The following CALHM1 variants were observed in gnomAD, a reference collection of about 807,000 sequenced individuals.
CALHM1 encodes the protein calcium homeostasis modulator 1.
In CALHM1, 11 loss-of-function variants were observed where a neutral mutation model predicts 14.8. The ratio of observed to expected loss-of-function variants is 0.74; its 90% confidence interval spans 0.47 to 1.23. The LOEUF (loss-of-function observed/expected upper bound fraction) is 1.23. CALHM1 is among the 50% of genes most tolerant of loss of function. The pLI, the probability that CALHM1 is intolerant of heterozygous loss-of-function variation, is 0.00. For missense variants in CALHM1, 458 were observed against 496.4 expected (o/e 0.92, Z 0.74); for synonymous variants, 215 against 218.9 (o/e 0.98, Z 0.16).
At position 103,458,175 on chromosome 10, in the gene CALHM1, G is replaced by A. The variant is rs757288151; in HGVS notation, c.555+22C>T. ...CCTTGATCTGCCAGGGAGACCCAGC[G>A]TGAAGCCATGCGGCCCCTCACCTGG... On this transcript the variant is annotated intron_variant, in intron 1 of 1. Coordinates refer to ENST00000329905, the MANE Select transcript of CALHM1 (RefSeq NM_001001412.4). The surrounding 1 kb of genome is among the most constrained non-coding windows in gnomAD (Gnocchi z 4.9). 7.5e-6 allele frequency: 12 copies of A among 1,610,694 alleles called. No individual in the cohort carries two copies. Among genetic ancestry groups the A allele is most frequent in the East Asian group, 4.5e-5 (2 of 44,884 alleles).
At chr10:103,457,036 A>G (rs1400332417) in intron 1 of CALHM1, among the ~76,000 whole-genome samples, 8 of 152,128 alleles carry the variant, frequency 5.3e-5, no homozygotes, top group Admixed American at 2.6e-4. Context: ...GGCTCTAGCA[A>G]TCTTCTTGCC....
At position 103,455,369 on chromosome 10, in the gene CALHM1, G is replaced by A; in HGVS notation, c.934C>T (p.Pro312Ser). ...GGCTCCTCCTGGCCCAGCCGCAGAGGCGGTTTGCATTTGTGCCAGCTCGTG... is the reference window on the plus strand; with the variant it reads ...GGCTCCTCCTGGCCCAGCCGCAGAGACGGTTTGCATTTGTGCCAGCTCGTG... ...LLTSWHKCKP[P>S]LRLGQEEPPL... The change falls in exon 2 of 2, where the codon CCT becomes TCT. Residue 312 changes from proline (P) to serine (S), a missense_variant. Physicochemically the swap from Pro to Ser is moderately conservative, Grantham distance 74. Coordinates refer to ENST00000329905, the MANE Select transcript of CALHM1 (RefSeq NM_001001412.4). The A allele has an allele frequency of 6.2e-7, 1 of 1,613,906 alleles. No individual in the cohort carries two copies. Among genetic ancestry groups the A allele is most frequent in the Non-Finnish European group, 8.5e-7 (1 of 1,180,046 alleles).
rs536458604 is a variant in CALHM1 at position 103,455,564 on chromosome 10, T to C, written c.739A>G (p.Ile247Val). ...EHAKAFAKVC[I>V]QQFFEAMNHD... The stretch of plus-strand genomic sequence containing the variant: ...TTCATGGCCTCGAAGAACTGCTGGA[T>C]GCAGACCTTGGCAAAGGCTTTGGCG... Residue 247 changes from isoleucine to valine, a missense_variant, in exon 2 of 2, where the codon ATC (isoleucine) becomes GTC (valine). Coordinates refer to ENST00000329905, the MANE Select transcript of CALHM1 (RefSeq NM_001001412.4). 33 of 1,614,054 alleles carry C rather than the reference T, an allele frequency of 2.0e-5. No homozygotes were observed. In the African/African-American group the frequency reaches 4.1e-4, roughly 20 times the overall value.
At position 103,455,918 on chromosome 10, in the gene CALHM1, G is replaced by T. The variant is rs2033145274; in HGVS notation, c.556-171C>A. On this transcript the variant is annotated intron_variant, in intron 1 of 1. Coordinates refer to ENST00000329905, the MANE Select transcript of CALHM1 (RefSeq NM_001001412.4). ...CATCTGTAAAATGGGCATAGAAATT[G>T]AAATAATGGAGATAGGTGCACCTCA... Among the ~76,000 whole-genome samples, 3 of 152,246 alleles carry T rather than the reference G, an allele frequency of 2.0e-5. No individual in the cohort carries two copies. The South Asian group carries it at 6.2e-4, about 32-fold the overall frequency.
Position 103,458,597 on chromosome 10 carries a change from T to C in CALHM1, c.155A>G (p.Tyr52Cys). The C allele has an allele frequency of 6.2e-7, 1 of 1,613,946 alleles. No homozygotes were observed. The highest frequency in any genetic ancestry group is 8.5e-7 in the Non-Finnish European group (1 of 1,180,032). ...CPCLPGYNAA[Y>C]SAGILLAPPL... Reference sequence around the variant, plus strand: ...TGGCGCCAGCAGGATGCCCGCGCTGTAGGCTGCATTGTAGCCCGGCAGGCA... The same window carrying C: ...TGGCGCCAGCAGGATGCCCGCGCTGCAGGCTGCATTGTAGCCCGGCAGGCA... The change falls in exon 1 of 2, where the codon TAC becomes TGC. Residue 52 changes from tyrosine to cysteine, a missense_variant. By Grantham distance (194) the Tyr-to-Cys change is radical (BLOSUM62 -2). Coordinates refer to ENST00000329905, the MANE Select transcript of CALHM1 (RefSeq NM_001001412.4). The surrounding 1 kb of genome is among the most constrained non-coding windows in gnomAD (Gnocchi z 4.9).
intron 1 of CALHM1, among the ~76,000 whole-genome samples, chr10:103,457,616 G>C (rs79433117): frequency 0.013 from 2,001 of 152,336 alleles, 29 homozygotes; most frequent in South Asian, 0.071. Context: ...GGATGGGTGA[G>C]CATGGAGGGG....
rs767534740 is a variant in CALHM1 at position 103,458,485 on chromosome 10, C to T, written c.267G>A (p.Arg89=). 6 of 1,612,954 alleles carry T rather than the reference C, an allele frequency of 3.7e-6. No individual in the cohort carries two copies. The highest frequency in any genetic ancestry group is 1.1e-5 in the South Asian group (1 of 91,068). The change falls in exon 1 of 2, where the codon CGG becomes CGA. Residue 89 remains arginine, a synonymous_variant. Coordinates refer to ENST00000329905, the MANE Select transcript of CALHM1 (RefSeq NM_001001412.4). The surrounding 1 kb of genome is among the most constrained non-coding windows in gnomAD (Gnocchi z 4.9). The stretch of plus-strand genomic sequence containing the variant: ...AGCGCAACACAGCGGGGTCCTTGGC[C>T]CGGCGGCCCAGCGGCCGCTTCCACT... ...AEEWKRPLGR[R]AKDPAVLRYM... is the part of the protein sequence containing the mutation.
At position 103,455,323 on chromosome 10, in the gene CALHM1, C is replaced by A. The variant is rs1443738212; in HGVS notation, c.980G>T (p.Trp327Leu). 6.2e-7 allele frequency: 1 copy of A among 1,613,478 alleles called. No individual in the cohort carries two copies. The highest frequency in any genetic ancestry group is 8.5e-7 in the Non-Finnish European group (1 of 1,179,950). Residue 327 changes from tryptophan (W) to leucine (L), a missense_variant, in exon 2 of 2, where the codon TGG becomes TTG. By Grantham distance (61) the Trp-to-Leu change is moderately conservative (BLOSUM62 -2). Coordinates refer to ENST00000329905, the MANE Select transcript of CALHM1 (RefSeq NM_001001412.4). ...CGGAGGCCGGGGCCCACCCCCAGCC[C>A]AGCCGTTGCCCATCAGCGGTGGCTC... is the stretch of plus-strand genomic sequence containing the variant. The part of the protein sequence containing the change: ...QEEPPLMGNG[W>L]AGGGPRPPRK...
At chr10:103,456,793 T>G (rs2033156328) in intron 1 of CALHM1, among the ~76,000 whole-genome samples, 1 of 152,214 alleles carries the variant, frequency 6.6e-6, no homozygotes, top group Non-Finnish European at 1.5e-5. Flanking sequence ...TTAATCTTAT[T>G]TACTTTTTTG....
Position 103,458,753 on chromosome 10 carries a change from C to T in CALHM1, c.-2G>A. The T allele has an allele frequency of 1.9e-6, 3 of 1,601,524 alleles. No individual in the cohort carries two copies. The highest frequency in any genetic ancestry group is 2.6e-6 in the Non-Finnish European group (3 of 1,173,482). On this transcript the variant is annotated 5_prime_UTR_variant, in exon 1 of 2. Transcript: ENST00000329905. This position sits in a 1 kb window ranked among gnomAD's most constrained non-coding sequence, Gnocchi z 4.9. Reference sequence around the variant, plus strand: ...GATCATCCGGAACTTGTCCATCATGCCCGCTGTGGGGCCCGGCCTCCTCTT... The same window carrying T: ...GATCATCCGGAACTTGTCCATCATGTCCGCTGTGGGGCCCGGCCTCCTCTT...
In CALHM1 at chr10:103,458,486, C is replaced by G; in HGVS notation, c.266G>C (p.Arg89Pro). 6.2e-7 allele frequency: 1 copy of G among 1,612,958 alleles called. No homozygotes were observed. The highest frequency in any genetic ancestry group is 8.5e-7 in the Non-Finnish European group (1 of 1,179,888). Reference sequence around the variant, plus strand: ...GCGCAACACAGCGGGGTCCTTGGCCCGGCGGCCCAGCGGCCGCTTCCACTC... The same window carrying G: ...GCGCAACACAGCGGGGTCCTTGGCCGGGCGGCCCAGCGGCCGCTTCCACTC... ...AEEWKRPLGR[R>P]AKDPAVLRYM... Residue 89 changes from arginine (R) to proline (P), a missense_variant, in exon 1 of 2, where the codon CGG becomes CCG. By Grantham distance (103) the Arg-to-Pro change is moderately radical. Transcript: ENST00000329905. The surrounding 1 kb of genome is among the most constrained non-coding windows in gnomAD (Gnocchi z 4.9).
chr10:103,455,575 G>A lies in CALHM1; in HGVS notation c.728C>T (p.Ala243Val). ...ETCTEHAKAF[A>V]KVCIQQFFEA... ...GAAGAACTGCTGGATGCAGACCTTG[G>A]CAAAGGCTTTGGCGTGCTCCGTGCA... is the stretch of plus-strand genomic sequence containing the variant. The change falls in exon 2 of 2, where the codon GCC (alanine) becomes GTC (valine). Residue 243 changes from alanine (A) to valine (V), a missense_variant. By Grantham distance (64) the Ala-to-Val change is moderately conservative (BLOSUM62 0). Coordinates refer to ENST00000329905, the MANE Select transcript of CALHM1 (RefSeq NM_001001412.4). 2 of 1,614,040 alleles carry A rather than the reference G, an allele frequency of 1.2e-6. No individual in the cohort carries two copies. The highest frequency in any genetic ancestry group is 1.1e-5 in the South Asian group (1 of 91,092).
chr10:103,455,066 T>C lies in CALHM1; in HGVS notation c.*196A>G. ...ACTGCCCTAGGGCCATCCAGGGCAG[T>C]GTCACACCTGAAGGCATCAGATCCC... On this transcript the variant is annotated 3_prime_UTR_variant, in exon 2 of 2. Transcript: ENST00000329905. The C allele has an allele frequency of 1.3e-6, 1 of 761,772 alleles. No homozygotes were observed. The highest frequency in any genetic ancestry group is 2.1e-6 in the Non-Finnish European group (1 of 485,654). 47.2% of individuals were successfully genotyped at this position (761,772 alleles called of 1,614,324 possible).
chr10:103,455,729 C>T lies in CALHM1; in HGVS notation c.574G>A (p.Val192Met), dbSNP rs202160393. 15 of 1,612,480 alleles carry T rather than the reference C, an allele frequency of 9.3e-6. No homozygotes were observed. Among genetic ancestry groups the T allele is most frequent in the African/African-American group, 1.3e-5 (1 of 74,900 alleles). ...CISQALGWSF[V>M]LLTTLLAFVV... ...AATGCCAGCAGAGTGGTCAGCAGCA[C>T]GAAGGACCAGCCCAGCGCCTGTGGG... The change falls in exon 2 of 2, where the codon GTG becomes ATG. Residue 192 changes from valine (V) to methionine (M), a missense_variant. Coordinates refer to ENST00000329905, the MANE Select transcript of CALHM1 (RefSeq NM_001001412.4).
rs1254916010 is a variant in CALHM1 at position 103,454,586 on chromosome 10, T to C, written c.*676A>G. 1 of 152,272 alleles carries C rather than the reference T, an allele frequency of 6.6e-6. No individual in the cohort carries two copies. The highest frequency in any genetic ancestry group is 1.5e-5 in the Non-Finnish European group (1 of 68,068). 9.4% of individuals were successfully genotyped at this position (152,272 alleles called of 1,614,324 possible). The stretch of plus-strand genomic sequence containing the variant: ...CCCCTCTACAGGAGGACTTTTGTGC[T>C]TGGTTTGTGCTAAATAAACATGCAG... On this transcript the variant is annotated 3_prime_UTR_variant, in exon 2 of 2. Transcript: ENST00000329905.
Position 103,455,526 on chromosome 10 carries a change from C to A in CALHM1, c.777G>T (p.Glu259Asp). 1 of 1,613,768 alleles carries A rather than the reference C, an allele frequency of 6.2e-7. No individual in the cohort carries two copies. Among genetic ancestry groups the A allele is most frequent in the Non-Finnish European group, 8.5e-7 (1 of 1,179,952 alleles). The change falls in exon 2 of 2, where the codon GAG becomes GAT. Residue 259 changes from glutamate (E) to aspartate (D), a missense_variant. Coordinates refer to ENST00000329905, the MANE Select transcript of CALHM1 (RefSeq NM_001001412.4). Reference sequence around the variant, plus strand: ...CCAGTGTCCCGTGGGTGTGACCCAGCTCCAGGTCATGGTTCATGGCCTCGA... The same window carrying A: ...CCAGTGTCCCGTGGGTGTGACCCAGATCCAGGTCATGGTTCATGGCCTCGA... ...QFFEAMNHDLELGHTHGTLAT... is the reference protein window; with the variant it reads ...QFFEAMNHDLDLGHTHGTLAT...
At position 103,455,593 on chromosome 10, in the gene CALHM1, T is replaced by G; in HGVS notation, c.710A>C (p.Glu237Ala). 6.2e-7 allele frequency: 1 copy of G among 1,614,024 alleles called. No homozygotes were observed. The highest frequency in any genetic ancestry group is 8.5e-7 in the Non-Finnish European group (1 of 1,180,036). Residue 237 changes from glutamate to alanine, a missense_variant, in exon 2 of 2, where the codon GAG (glutamate) becomes GCG (alanine). Coordinates refer to ENST00000329905, the MANE Select transcript of CALHM1 (RefSeq NM_001001412.4). ...GACCTTGGCAAAGGCTTTGGCGTGC[T>G]CCGTGCACGTCTCGTCGAAGAGCTT... ...ERKLFDETCT[E>A]HAKAFAKVCI...
Position 103,455,135 on chromosome 10 carries a change from T to C in CALHM1, c.*127A>G. 7.4e-7 allele frequency: 1 copy of C among 1,346,278 alleles called. No homozygotes were observed. The highest frequency in any genetic ancestry group is 9.8e-7 in the Non-Finnish European group (1 of 1,015,256). The allele number at this position is 1,346,278 out of a possible 1,614,324, so 83.4% of individuals were successfully genotyped here. ...CTGCCTCCAATGGGCAGGCGAGTGC[T>C]AGGGAGTGTGGATCTGCCTAGGGGA... On this transcript the variant is annotated 3_prime_UTR_variant, in exon 2 of 2. Transcript: ENST00000329905.
chr10:103,458,829 T>C lies in CALHM1; in HGVS notation c.-78A>G. 1 of 1,432,446 alleles carries C rather than the reference T, an allele frequency of 7.0e-7. No individual in the cohort carries two copies. Among genetic ancestry groups the C allele is most frequent in the Non-Finnish European group, 9.4e-7 (1 of 1,069,106 alleles). 88.7% of individuals were successfully genotyped at this position (1,432,446 alleles called of 1,614,324 possible). On this transcript the variant is annotated 5_prime_UTR_variant, in exon 1 of 2. Coordinates refer to ENST00000329905, the MANE Select transcript of CALHM1 (RefSeq NM_001001412.4). This position sits in a 1 kb window ranked among gnomAD's most constrained non-coding sequence, Gnocchi z 4.9. ...GGCCCCTGCTGCCCACCCTGCCCAC[T>C]GGGTGCCCACCTCATGACTCGGGCT... is the stretch of plus-strand genomic sequence containing the variant.
Sources: allele counts gnomAD v4.1 joint callset (sites outside exome capture counted in the v4.1 genomes callset), GRCh38; gene constraint gnomAD v4.1.1; non-coding constraint Gnocchi (gnomAD v3.1); transcripts MANE v1.5; gene names NCBI Gene and HGNC (gene_info 2026-07-23, HGNC 2026-07-21).